MAP7D2: variants seen among roughly 807,000 people sequenced by gnomAD.
MAP7D2 encodes the protein MAP7 domain-containing protein 2.
A neutral mutation model predicts 63.5 loss-of-function variants in MAP7D2; 33 were observed. The ratio of observed to expected loss-of-function variants is 0.52; its 90% confidence interval spans 0.39 to 0.70. The LOEUF (loss-of-function observed/expected upper bound fraction) is 0.70. Ranked by LOEUF, MAP7D2 falls within the 30% of genes least tolerant of loss-of-function variation. The pLI is 0.00. For missense variants in MAP7D2, 626 were observed against 604.0 expected (o/e 1.04, Z -0.38); for synonymous variants, 224 against 223.7 (o/e 1.00, Z -0.01).
chrX:20,086,737 T>C (rs1369819610), intron 1 of MAP7D2, among the ~76,000 whole-genome samples: 1 of 111,656 alleles, frequency 9.0e-6, no homozygotes, highest in Non-Finnish European at 1.9e-5. Flanking sequence ...ATAATCAACA[T>C]TGATCATGTC....
chrX:20,085,779 T>G (rs2065897086), intron 1 of MAP7D2, among the ~76,000 whole-genome samples: 1 of 112,424 alleles, frequency 8.9e-6, no homozygotes, highest in African/African-American at 3.2e-5. Flanking sequence ...TGGTGCAATC[T>G]TGGCTCACTG....
At chrX:20,016,697 A>G (rs2073408802) in intron 10 of MAP7D2, among the ~76,000 whole-genome samples, 2 of 112,151 alleles carry the variant, frequency 1.8e-5, no homozygotes, top group Admixed American at 1.9e-4. Context: ...AATATTTAAA[A>G]CCAATGAAAG....
rs763919269 is a variant in MAP7D2 at position 20,058,956 on chromosome X, T to C, written c.373-2165A>G. ...GACGAAACAGAAAGGATCTCAGATT[T>C]GGAATCAGGAGGTAAGGATTCAAAT... is the stretch of plus-strand genomic sequence containing the variant. On this transcript the variant is annotated intron_variant, in intron 3 of 16. Coordinates refer to ENST00000379643, the MANE Select transcript of MAP7D2 (RefSeq NM_001168465.2). Among the ~76,000 whole-genome samples, 6 of 111,982 alleles carry C rather than the reference T, an allele frequency of 5.4e-5. No individual in the cohort carries two copies. In the East Asian group the frequency reaches 1.7e-3, roughly 31 times the overall value.
At chrX:20,082,621 T>C (rs894615206) in intron 1 of MAP7D2, among the ~76,000 whole-genome samples, 3 of 111,641 alleles carry the variant, frequency 2.7e-5, no homozygotes, top group Admixed American at 1.9e-4. Context: ...ATGGCACAAA[T>C]AGATTATTAT....
chrX:20,052,625 G>C (rs1365905635), intron 5 of MAP7D2, among the ~76,000 whole-genome samples: 1 of 112,359 alleles, frequency 8.9e-6, no homozygotes, highest in Non-Finnish European at 1.9e-5. Flanking sequence ...GTGGAAAACA[G>C]AACAGTCTCT....
chrX:20,046,239 C>A (rs762602928), intron 6 of MAP7D2, among the ~76,000 whole-genome samples: 2 of 112,231 alleles, frequency 1.8e-5, no homozygotes, highest in East Asian at 5.6e-4. Context: ...TAAAAAGATT[C>A]TGGATGCTGC....
At chrX:20,027,767 A>G (rs890629593) in intron 8 of MAP7D2, among the ~76,000 whole-genome samples, 54 of 103,312 alleles carry the variant, frequency 5.2e-4, no homozygotes, top group African/African-American at 1.6e-3. Context: ...GGAGAGAGAG[A>G]GAGAGAGAGA....
At chrX:20,097,737 C>T (rs1031273447) in intron 1 of MAP7D2, among the ~76,000 whole-genome samples, 1 of 111,364 alleles carries the variant, frequency 9.0e-6, no homozygotes, top group Admixed American at 9.5e-5. Context: ...AAGATAGAGG[C>T]CACTTCCAGG....
rs754352521 is a variant in MAP7D2, at chrX:20,116,852, T to C, written c.28A>G (p.Thr10Ala). The stretch of plus-strand genomic sequence containing the variant: ...GCAGTCCCCTCAGGCCGGGATCCCG[T>C]CCCGGAGCCGCCGCCGCCGCGCTCC... The part of the protein sequence containing the change: MERGGGGSG[T>A]GSRPEGTARG... Residue 10 changes from threonine (T) to alanine (A), a missense_variant, in exon 1 of 17, where the codon ACG becomes GCG. Transcript: ENST00000379643. 6.1e-6 allele frequency: 7 copies of C among 1,152,245 alleles called. No individual in the cohort carries two copies. The highest frequency in any genetic ancestry group is 2.6e-4 in the Middle Eastern group (1 of 3,899). The allele number at this position is 1,152,245 out of a possible 1,213,427, so 95.0% of individuals were successfully genotyped here.
chrX:20,071,006 C>T (rs372344466), intron 1 of MAP7D2, among the ~76,000 whole-genome samples: 6 of 111,853 alleles, frequency 5.4e-5, no homozygotes, highest in South Asian at 3.8e-4. Flanking sequence ...ATAACCTTTC[C>T]GATCACACTC....
At chrX:20,116,675 G>T in intron 1 of MAP7D2, 75 bp downstream of exon 1, 1 of 1,074,550 alleles carries the variant, frequency 9.3e-7, no homozygotes, top group Admixed American at 3.4e-5. Flanking sequence ...GAGGACCTTT[G>T]CCCTGGGCCG....
chrX:20,100,366 T>C (rs1392126690), intron 1 of MAP7D2, among the ~76,000 whole-genome samples: 1 of 111,809 alleles, frequency 8.9e-6, no homozygotes, highest in Admixed American at 9.5e-5. Flanking sequence ...AGAACTCTCA[T>C]GCACTGTGGT....
At chrX:20,068,283 CT>C (rs1225996239) in intron 1 of MAP7D2, among the ~76,000 whole-genome samples, 2 of 112,031 alleles carry the variant, frequency 1.8e-5, no homozygotes, top group Non-Finnish European at 3.8e-5. Context: ...CCACATGTGG[CT>C]GGCGGTTACC....
intron 1 of MAP7D2, among the ~76,000 whole-genome samples, chrX:20,087,885 T>C (rs1209812267): frequency 2.2e-5 from 1 of 45,206 alleles, no homozygotes; most frequent in Non-Finnish European, 4.3e-5. Context: ...TTTTCTTTTT[T>C]TTTTTTTTTT....
At chrX:20,074,347 T>C (rs964114184) in intron 1 of MAP7D2, among the ~76,000 whole-genome samples, 1 of 111,168 alleles carries the variant, frequency 9.0e-6, no homozygotes, top group African/African-American at 3.3e-5. Context: ...GCAAGGGTAA[T>C]GATTTATGCA....
intron 1 of MAP7D2, among the ~76,000 whole-genome samples, chrX:20,098,175 C>T (rs986664031): frequency 1.1e-4 from 12 of 111,834 alleles, no homozygotes; most frequent in African/African-American, 3.9e-4. Context: ...ACTACAAACA[C>T]TTTCCATGCA....
intron 2 of MAP7D2, among the ~76,000 whole-genome samples, chrX:20,064,016 A>C (rs775005929): frequency 2.7e-5 from 3 of 110,942 alleles, no homozygotes; most frequent in Non-Finnish European, 5.6e-5. Flanking sequence ...TGTGTGCACC[A>C]AGCACCAGAC....
At chrX:20,101,693 A>C (rs1425925929) in intron 1 of MAP7D2, among the ~76,000 whole-genome samples, 1 of 112,769 alleles carries the variant, frequency 8.9e-6, no homozygotes, top group Non-Finnish European at 1.9e-5. Flanking sequence ...TGATACAGTC[A>C]CACAAAGTAC....
intron 10 of MAP7D2, among the ~76,000 whole-genome samples, chrX:20,020,829 G>A (rs1230208562): frequency 1.8e-5 from 2 of 111,700 alleles, no homozygotes; most frequent in African/African-American, 6.5e-5. Flanking sequence ...TTGCTCGTAG[G>A]GAGCTGTCTA....
Sources: allele counts gnomAD v4.1 joint callset (sites outside exome capture counted in the v4.1 genomes callset), GRCh38; gene constraint gnomAD v4.1.1; transcripts MANE v1.5; gene names NCBI Gene and HGNC (gene_info 2026-07-23, HGNC 2026-07-21).